ATXN7L1: variants seen among roughly 807,000 people sequenced by gnomAD.
ATXN7L1 encodes the protein ataxin-7-like protein 1.
In ATXN7L1, 15 loss-of-function variants were observed where a neutral mutation model predicts 70.8. The observed-to-expected ratio is 0.21, with a 90% CI of 0.14 to 0.33. ATXN7L1 has a LOEUF of 0.33. Among genes scored for constraint, ATXN7L1 ranks in the 10% least tolerant of loss-of-function variants. ATXN7L1 has a pLI of 1.00. For synonymous variants in ATXN7L1, 440 were observed against 445.1 expected (o/e 0.99, Z 0.14); for missense variants, 975 against 1,097.1 (o/e 0.89, Z 1.57).
At chr7:105,628,633 CA>C (rs1306159520) in intron 7 of ATXN7L1, among the ~76,000 whole-genome samples, 7 of 146,278 alleles carry the variant, frequency 4.8e-5, no homozygotes, top group Admixed American at 6.8e-5. Flanking sequence ...ACTAAAAATA[CA>C]AAAAAAAAAT....
chr7:105,875,223 C>A (rs1459952464), intron 2 of ATXN7L1: 2 of 153,366 alleles, frequency 1.3e-5, no homozygotes, highest in African/African-American at 2.4e-5. Flanking sequence ...TTTCAGGTAC[C>A]GTATTTCCAT....
At chr7:105,618,253 A>G (rs539321366) in intron 9 of ATXN7L1, among the ~76,000 whole-genome samples, 1 of 152,324 alleles carries the variant, frequency 6.6e-6, no homozygotes, top group East Asian at 1.9e-4. Flanking sequence ...GTCTTGGGGA[A>G]CAAGAGCAGA....
intron 3 of ATXN7L1, among the ~76,000 whole-genome samples, chr7:105,698,650 G>A (rs1467657721): frequency 6.6e-6 from 1 of 152,170 alleles, no homozygotes; most frequent in Non-Finnish European, 1.5e-5. Flanking sequence ...GAGCCACCGT[G>A]CTTGGCCATA....
intron 4 of ATXN7L1, among the ~76,000 whole-genome samples, chr7:105,644,573 T>C (rs901558744): frequency 6.6e-6 from 1 of 152,220 alleles, no homozygotes; most frequent in Non-Finnish European, 1.5e-5. Flanking sequence ...CTGCTGCTCC[T>C]TTCTATTTAA....
At chr7:105,724,481 C>T (rs1395602465) in intron 3 of ATXN7L1, among the ~76,000 whole-genome samples, 1 of 146,430 alleles carries the variant, frequency 6.8e-6, no homozygotes, top group African/African-American at 2.5e-5. Flanking sequence ...GGCTGGAACA[C>T]GAGAATCACT....
intron 2 of ATXN7L1, among the ~76,000 whole-genome samples, chr7:105,831,690 A>C (rs945580119): frequency 6.6e-6 from 1 of 152,204 alleles, no homozygotes; most frequent in Non-Finnish European, 1.5e-5. Context: ...GATGCCAGTA[A>C]AATTCTGGAT....
At chr7:105,679,248 G>C in intron 3 of ATXN7L1, 1 of 718,530 alleles carries the variant, frequency 1.4e-6, no homozygotes, top group Non-Finnish European at 1.7e-6. Context: ...AGTCAGGGTT[G>C]TATCCTGAAT....
At chr7:105,694,050 C>CTTTTTTTTTTTTT (rs34797129) in intron 3 of ATXN7L1, among the ~76,000 whole-genome samples, 29 of 139,396 alleles carry the variant, frequency 2.1e-4, no homozygotes, top group African/African-American at 7.7e-4. Flanking sequence ...AGAAGTGAGC[C>CTTTTTTTTTTTTT]TTTTTTTTTT....
intron 4 of ATXN7L1, among the ~76,000 whole-genome samples, chr7:105,660,104 A>G (rs770217077): frequency 9.9e-5 from 15 of 151,362 alleles, no homozygotes; most frequent in South Asian, 2.1e-4. Context: ...CCTCCTTAAT[A>G]TTTATCTCAC....
chr7:105,794,387 T>C (rs1805693464), intron 2 of ATXN7L1, among the ~76,000 whole-genome samples: 1 of 152,214 alleles, frequency 6.6e-6, no homozygotes, highest in Non-Finnish European at 1.5e-5. Context: ...AGTGATGCCA[T>C]GTTGGTAGCT....
At chr7:105,738,673 G>A (rs981079893) in intron 3 of ATXN7L1, among the ~76,000 whole-genome samples, 1 of 152,212 alleles carries the variant, frequency 6.6e-6, no homozygotes, top group Non-Finnish European at 1.5e-5. Flanking sequence ...TTGAACCCAT[G>A]TAATCCGGCT....
chr7:105,874,897 A>G (rs1818816786), intron 2 of ATXN7L1, among the ~76,000 whole-genome samples: 1 of 152,102 alleles, frequency 6.6e-6, no homozygotes, highest in South Asian at 2.1e-4. Flanking sequence ...CTTATGTCTG[A>G]ACTCTTTCAA....
At chr7:105,824,543 G>GATAGATAGAT (rs1340233695) in intron 2 of ATXN7L1, among the ~76,000 whole-genome samples, 1 of 151,814 alleles carries the variant, frequency 6.6e-6, no homozygotes, top group Non-Finnish European at 1.5e-5. Context: ...TATGATAGGT[G>GATAGATAGAT]ACATAAAAAT....
intron 3 of ATXN7L1, among the ~76,000 whole-genome samples, chr7:105,785,091 C>G (rs1382216207): frequency 6.6e-6 from 1 of 152,250 alleles, no homozygotes; most frequent in African/African-American, 2.4e-5. Context: ...GCACTGACCT[C>G]CTAAGCCTTA....
intron 9 of ATXN7L1, among the ~76,000 whole-genome samples, chr7:105,619,140 G>GTTTTTTATTTTTTTTTTT (rs1794385587): frequency 2.0e-5 from 1 of 49,846 alleles, no homozygotes; most frequent in African/African-American, 8.2e-5. Context: ...GAAATCTTTA[G>GTTTTTTATTTTTTTTTTT]TTTTTTTTTT....
chr7:105,627,870 A>T (rs189298514), intron 7 of ATXN7L1, among the ~76,000 whole-genome samples: 4,198 of 77,804 alleles, frequency 0.054, 203 homozygotes, highest in East Asian at 0.36. Context: ...TTTGAGATGG[A>T]GTCTTGCTCT....
At chr7:105,617,303 C>T (rs1349579134) in intron 9 of ATXN7L1, among the ~76,000 whole-genome samples, 1 of 152,118 alleles carries the variant, frequency 6.6e-6, no homozygotes, top group African/African-American at 2.4e-5. Context: ...GGATTACAGG[C>T]ATGAGCCACT....
chr7:105,645,980 C>A (rs992762075), intron 4 of ATXN7L1, among the ~76,000 whole-genome samples: 1 of 151,398 alleles, frequency 6.6e-6, no homozygotes, highest in Non-Finnish European at 1.5e-5. Context: ...GTACTCCCAC[C>A]CGGGCGACAG....
chr7:105,744,491 T>C (rs945879542), intron 3 of ATXN7L1, among the ~76,000 whole-genome samples: 1 of 152,126 alleles, frequency 6.6e-6, no homozygotes, highest in African/African-American at 2.4e-5. Context: ...TTGTTCTCCA[T>C]GTGTCAGCAG....
Sources: gnomAD v4.1 joint callset for allele counts (sites outside exome capture counted in the v4.1 genomes callset) on GRCh38, gnomAD v4.1.1 for gene constraint, MANE v1.5 for transcripts, NCBI Gene and HGNC (gene_info 2026-07-23, HGNC 2026-07-21) for gene names.